KCNH1: variants seen among roughly 807,000 people sequenced by gnomAD.
The protein encoded by KCNH1 is voltage-gated delayed rectifier potassium channel KCNH1.
In KCNH1, 27 loss-of-function variants were observed where a neutral mutation model predicts 69.2. The ratio of observed to expected loss-of-function variants is 0.39; its 90% CI spans 0.29 to 0.54. KCNH1 has a LOEUF of 0.54. Among genes scored for constraint, KCNH1 ranks in the 20% least tolerant of loss-of-function variants. The pLI is 0.68. For synonymous variants in KCNH1, 456 were observed against 487.7 expected, an observed-to-expected ratio of 0.93 and a Z score of 0.86; for missense variants, 798 against 1,261.6, an observed-to-expected ratio of 0.63 and a Z score of 5.57.
intron 10 of KCNH1, among the ~76,000 whole-genome samples, chr1:210,750,958 T>C: frequency 6.6e-6 from 1 of 152,226 alleles, no homozygotes; most frequent in Non-Finnish European, 1.5e-5. Context: ...TTCTGGCACC[T>C]AGTCCAGGGC....
chr1:210,948,827 CAAAAAAAAGGAA>C (rs1688009777), intron 6 of KCNH1, among the ~76,000 whole-genome samples: 1 of 129,258 alleles, frequency 7.7e-6, no homozygotes, highest in Admixed American at 8.2e-5. Flanking sequence ...GACTCCATCT[CAAAAAAAAGGAA>C]AAAAAAAAAA....
chr1:210,910,900 C>A (rs190698945), intron 7 of KCNH1, among the ~76,000 whole-genome samples: 26 of 152,308 alleles, frequency 1.7e-4, no homozygotes, highest in African/African-American at 4.6e-4. Flanking sequence ...CTCTTTTATG[C>A]CACATTCATG....
At chr1:210,887,419 C>T (rs61848972) in intron 7 of KCNH1, among the ~76,000 whole-genome samples, 27,407 of 152,038 alleles carry the variant, frequency 0.18, 2,925 homozygotes, top group Non-Finnish European at 0.25. Flanking sequence ...AAGGAACAAC[C>T]GGGACCAGCC....
chr1:210,805,566 A>G (rs912169991), intron 7 of KCNH1, among the ~76,000 whole-genome samples: 2 of 152,182 alleles, frequency 1.3e-5, no homozygotes, highest in Non-Finnish European at 1.5e-5. Context: ...GGAATCATAC[A>G]ATATGTACTC....
At chr1:210,900,531 C>G (rs1686973427) in intron 7 of KCNH1, among the ~76,000 whole-genome samples, 1 of 152,126 alleles carries the variant, frequency 6.6e-6, no homozygotes, top group Non-Finnish European at 1.5e-5. Context: ...GTATGTTGAG[C>G]TTGTTTAGAG....
intron 6 of KCNH1, among the ~76,000 whole-genome samples, chr1:210,948,386 G>A (rs1373868774): frequency 6.6e-6 from 1 of 152,038 alleles, no homozygotes; most frequent in African/African-American, 2.4e-5. Context: ...AAGACAGGAA[G>A]GAAATAAGCA....
intron 10 of KCNH1, among the ~76,000 whole-genome samples, chr1:210,750,382 C>G (rs1683256617): frequency 6.6e-6 from 1 of 152,064 alleles, no homozygotes; most frequent in South Asian, 2.1e-4. Context: ...GGAAGGTCAC[C>G]CAGCCTGTTA....
chr1:210,973,383 A>C (rs534014307), intron 6 of KCNH1, among the ~76,000 whole-genome samples: 25 of 152,310 alleles, frequency 1.6e-4, no homozygotes, highest in Admixed American at 3.3e-4. Flanking sequence ...ATTCAAGGTC[A>C]ACAAAGACTC....
At chr1:211,020,617 G>T (rs1689571417) in intron 5 of KCNH1, among the ~76,000 whole-genome samples, 1 of 152,038 alleles carries the variant, frequency 6.6e-6, no homozygotes. Context: ...TTGAAGGGGA[G>T]GGCATTCTTC....
chr1:210,976,356 T>C (rs1688609931), intron 6 of KCNH1, among the ~76,000 whole-genome samples: 1 of 146,246 alleles, frequency 6.8e-6, no homozygotes, highest in South Asian at 2.2e-4. Context: ...AACCCAAATG[T>C]CCATCAATGA....
chr1:210,740,731 T>TTTTTTTTTTTTTTTTTGTTTTTTTTTTG (rs1558449289), intron 10 of KCNH1, among the ~76,000 whole-genome samples: 1 of 119,502 alleles, frequency 8.4e-6, no homozygotes, highest in African/African-American at 3.6e-5. Flanking sequence ...TTTTTTTTTT[T>TTTTTTTTTTTTTTTTTGTTTTTTTTTTG]TACTAAAAGA....
intron 1 of KCNH1, among the ~76,000 whole-genome samples, chr1:211,129,288 A>C (rs1310856725): frequency 6.6e-6 from 1 of 152,244 alleles, no homozygotes; most frequent in Non-Finnish European, 1.5e-5. Flanking sequence ...GAAGAATTGA[A>C]GAGCTTCAAG....
At chr1:210,957,074 C>T (rs1688191721) in intron 6 of KCNH1, among the ~76,000 whole-genome samples, 1 of 152,180 alleles carries the variant, frequency 6.6e-6, no homozygotes, top group South Asian at 2.1e-4. Context: ...TCCCTCTACA[C>T]ACTGCTTTAG....
At chr1:211,085,050 T>G (rs530614618) in intron 4 of KCNH1, among the ~76,000 whole-genome samples, 3 of 152,238 alleles carry the variant, frequency 2.0e-5, no homozygotes, top group African/African-American at 7.2e-5. Context: ...TAATCCAGGC[T>G]GGGGAGTCAA....
At chr1:211,034,384 G>A (rs1377511799) in intron 5 of KCNH1, among the ~76,000 whole-genome samples, 1 of 151,978 alleles carries the variant, frequency 6.6e-6, no homozygotes, top group Non-Finnish European at 1.5e-5. Context: ...ATTATAGAAA[G>A]AGACTTAGTA....
At chr1:210,822,616 T>C (rs1684952442) in intron 7 of KCNH1, among the ~76,000 whole-genome samples, 1 of 152,158 alleles carries the variant, frequency 6.6e-6, no homozygotes, top group Admixed American at 6.5e-5. Flanking sequence ...AGGACCCACA[T>C]TTTTATTTTG....
intron 10 of KCNH1, among the ~76,000 whole-genome samples, chr1:210,694,747 T>G (rs759133823): frequency 6.6e-6 from 1 of 152,232 alleles, no homozygotes; most frequent in Non-Finnish European, 1.5e-5. Flanking sequence ...CCTCAGGTCC[T>G]TTCTTTATGG....
chr1:211,022,632 GAAT>G (rs974903154), intron 5 of KCNH1, among the ~76,000 whole-genome samples: 18 of 152,010 alleles, frequency 1.2e-4, no homozygotes, highest in Non-Finnish European at 2.1e-4. Context: ...AGCAAAAATT[GAAT>G]AATGTGATTT....
intron 6 of KCNH1, among the ~76,000 whole-genome samples, chr1:210,963,740 G>GA (rs372345708): frequency 9.2e-5 from 14 of 152,114 alleles, no homozygotes; most frequent in African/African-American, 3.1e-4. Context: ...CAAGATTAGA[G>GA]AAAAAAGAAT....
Sources: allele counts gnomAD v4.1 joint callset (sites outside exome capture counted in the v4.1 genomes callset), GRCh38; gene constraint gnomAD v4.1.1; transcripts MANE v1.5; gene names NCBI Gene and HGNC (gene_info 2026-07-23, HGNC 2026-07-21).